Variants in RELN observed in about 807,000 individuals in gnomAD.
RELN encodes the protein reelin.
RELN carries 108 observed loss-of-function variants against 427.6 expected under a neutral mutation model. The ratio of observed to expected loss-of-function variants is 0.25; its 90% CI spans 0.22 to 0.30. The LOEUF (loss-of-function observed/expected upper bound fraction) is 0.30, where lower values mean the gene tolerates loss of function less well. Ranked by LOEUF, RELN falls within the 10% of genes least tolerant of loss-of-function variation. The probability of loss-of-function intolerance (pLI) is 1.00; values close to 1 mark genes in which losing one functional copy is unlikely to be tolerated. For synonymous variants in RELN, 1,524 were observed against 1,513.4 expected, an observed-to-expected ratio of 1.01 and a Z score of -0.16; for missense variants, 3,715 against 4,302.8, an observed-to-expected ratio of 0.86 and a Z score of 3.82.
intron 4 of RELN, among the ~76,000 whole-genome samples, chr7:103,762,669 A>T (rs1791332493): frequency 1.3e-5 from 2 of 152,196 alleles, no homozygotes; most frequent in African/African-American, 2.4e-5. Context: ...AATATTACTA[A>T]AACCATTGTT....
intron 41 of RELN, among the ~76,000 whole-genome samples, chr7:103,546,670 A>C (rs1830303784): frequency 6.6e-6 from 1 of 152,214 alleles, no homozygotes; most frequent in South Asian, 2.1e-4. Context: ...CTGTGAGCTC[A>C]TAGAGGCCAA....
intron 6 of RELN, among the ~76,000 whole-genome samples, chr7:103,735,334 A>G (rs1790464630): frequency 6.6e-6 from 1 of 152,122 alleles, no homozygotes; most frequent in African/African-American, 2.4e-5. Context: ...AGTAGAGAGT[A>G]TACTTCTGAA....
chr7:103,592,783 T>A (rs1320664336), intron 27 of RELN, among the ~76,000 whole-genome samples: 1 of 152,342 alleles, frequency 6.6e-6, no homozygotes, highest in East Asian at 1.9e-4. Context: ...ATATTTGCTA[T>A]TAACATTATT....
intron 37 of RELN, among the ~76,000 whole-genome samples, 180 bp downstream of exon 37, chr7:103,557,785 G>A (rs534745790): frequency 1.3e-4 from 20 of 152,202 alleles, no homozygotes; most frequent in Admixed American, 1.3e-3. Context: ...TAGTTTTCTT[G>A]CCCTTATATT....
At chr7:103,568,123 AT>A (rs976902867) in intron 31 of RELN, among the ~76,000 whole-genome samples, 1 of 152,106 alleles carries the variant, frequency 6.6e-6, no homozygotes, top group African/African-American at 2.4e-5. Flanking sequence ...GAAAATTATA[AT>A]TTTTTTTGCT....
chr7:103,773,321 GTCTCTC>G (rs201548521), intron 4 of RELN, among the ~76,000 whole-genome samples: 4,426 of 19,664 alleles, frequency 0.23, 479 homozygotes, highest in East Asian at 0.24. Flanking sequence ...CGCTCCCTCC[GTCTCTC>G]TCTCTCCCTC....
intron 2 of RELN, among the ~76,000 whole-genome samples, chr7:103,909,242 G>A (rs146750405): frequency 3.3e-5 from 5 of 152,136 alleles, no homozygotes; most frequent in African/African-American, 1.2e-4. Context: ...TGGGGAGTAT[G>A]GGCCTTGGCG....
intron 7 of RELN, among the ~76,000 whole-genome samples, chr7:103,727,197 T>A (rs886144354): frequency 3.3e-5 from 5 of 152,172 alleles, no homozygotes; most frequent in Non-Finnish European, 5.9e-5. Flanking sequence ...AAGTTAATGA[T>A]TTTGAAACAC....
chr7:103,933,085 T>G (rs1276982446), intron 1 of RELN, among the ~76,000 whole-genome samples: 1 of 152,132 alleles, frequency 6.6e-6, no homozygotes, highest in African/African-American at 2.4e-5. Context: ...CATGGTGCAT[T>G]CTAAGCTTCC....
chr7:103,842,057 A>T (rs962648513), intron 2 of RELN, among the ~76,000 whole-genome samples: 2 of 152,180 alleles, frequency 1.3e-5, no homozygotes, highest in Non-Finnish European at 2.9e-5. Flanking sequence ...ACAATTGTAA[A>T]AGAAATATTT....
chr7:103,858,339 A>T, intron 2 of RELN, among the ~76,000 whole-genome samples: 1 of 152,298 alleles, frequency 6.6e-6, no homozygotes. Context: ...TTAGTATAGT[A>T]CCTGGCACAT....
chr7:103,819,506 A>AG (rs1229457154), intron 3 of RELN, among the ~76,000 whole-genome samples: 1 of 152,122 alleles, frequency 6.6e-6, no homozygotes, highest in Non-Finnish European at 1.5e-5. Flanking sequence ...GAGTTACCAA[A>AG]GTGGAATATG....
In RELN at chr7:103,698,041, C is replaced by T. The variant is rs752141793; in HGVS notation, c.955G>A (p.Ala319Thr). Residue 319 changes from alanine to threonine, a missense_variant, in exon 10 of 65, where the codon GCC becomes ACC. Transcript: ENST00000428762. ...IIHILYLPED[A>T]KGENVQFQWK... The stretch of plus-strand genomic sequence containing the variant: ...TGAAATTGGACATTCTCCCCTTTGG[C>T]GTCCTCAGGAAGGTAGAGGATATGG... 2.7e-5 allele frequency: 44 copies of T among 1,613,654 alleles called. No homozygotes were observed. The highest frequency in any genetic ancestry group is 2.2e-4 in the Admixed American group (13 of 59,930).
At chr7:103,589,303 A>G (rs909822346) in intron 28 of RELN, among the ~76,000 whole-genome samples, 2 of 152,192 alleles carry the variant, frequency 1.3e-5, no homozygotes, top group African/African-American at 4.8e-5. Flanking sequence ...TTCTTTATGT[A>G]TACATTTTGT....
At position 103,604,236 on chromosome 7, in the gene RELN, T is replaced by A. The variant is rs1343047645; in HGVS notation, c.3146+110A>T. 6 of 1,265,162 alleles carry A rather than the reference T, an allele frequency of 4.7e-6. No individual in the cohort carries two copies. The South Asian group carries it at 7.3e-5, about 15-fold the overall frequency. The allele number at this position is 1,265,162 out of a possible 1,614,324, so 78.4% of individuals were successfully genotyped here. ...AAGGAGGACTTGTTTCTTTTGGCTA[T>A]GTCATTATTTATCGGTCTATCCATG... On this transcript the variant is annotated intron_variant, in intron 23 of 64. Transcript: ENST00000428762.
intron 1 of RELN, 112 bp from the exon 2 acceptor site, chr7:103,917,297 TA>T (rs1417571822): frequency 1.4e-5 from 12 of 828,166 alleles, no homozygotes; most frequent in Non-Finnish European, 2.4e-5. Context: ...AAATTATTTT[TA>T]TACTATACCT....
chr7:103,954,097 A>C (rs1796385736), intron 1 of RELN, among the ~76,000 whole-genome samples: 1 of 151,920 alleles, frequency 6.6e-6, no homozygotes, highest in African/African-American at 2.4e-5. Flanking sequence ...TAAAAATAAA[A>C]TTAAAAAAAA....
chr7:103,826,770 A>G (rs1327242013), intron 3 of RELN, among the ~76,000 whole-genome samples: 1 of 152,144 alleles, frequency 6.6e-6, no homozygotes, highest in Non-Finnish European at 1.5e-5. Flanking sequence ...ATTATAACAG[A>G]TAAATATTTT....
chr7:103,912,038 A>G (rs1002698964), intron 2 of RELN, among the ~76,000 whole-genome samples: 9 of 152,182 alleles, frequency 5.9e-5, no homozygotes, highest in African/African-American at 2.2e-4. Flanking sequence ...TATTTTAAAG[A>G]TAGTGTTGAA....
Sources: gnomAD v4.1 joint callset for allele counts (sites outside exome capture counted in the v4.1 genomes callset) on GRCh38, gnomAD v4.1.1 for gene constraint, MANE v1.5 for transcripts, NCBI Gene and HGNC (gene_info 2026-07-23, HGNC 2026-07-21) for gene names.